Variants in YDJC observed in about 807,000 individuals in gnomAD.
The protein encoded by YDJC is carbohydrate deacetylase.
Under a neutral mutation model 18.9 loss-of-function variants are expected in YDJC, and 23 were observed. That is an observed-to-expected ratio of 1.22 (90% confidence interval 0.87 to 1.72). The LOEUF (loss-of-function observed/expected upper bound fraction) is 1.72, where lower values mean the gene tolerates loss of function less well. Ranked by LOEUF, YDJC falls within the 40% of genes most tolerant of loss-of-function variation. The pLI is 0.00. For missense variants in YDJC, 467 were observed against 470.8 expected, an observed-to-expected ratio of 0.99 and a Z score of 0.07; for synonymous variants, 224 against 217.6, an observed-to-expected ratio of 1.03 and a Z score of -0.26.
chr22:21,629,151 T>C lies in YDJC; in HGVS notation c.461A>G (p.Tyr154Cys). 6.5e-7 allele frequency: 1 copy of C among 1,540,994 alleles called. No homozygotes were observed. The highest frequency in any genetic ancestry group is 8.7e-7 in the Non-Finnish European group (1 of 1,146,352). ...CQVFAEALQA[Y>C]GVRFTRLPLE... ...CGGCAGTCGCGTAAAGCGCACCCCA[T>C]AGGCCTGCAGCGCCTCGGCGAACAC... Residue 154 changes from tyrosine to cysteine, a missense_variant, in exon 4 of 5, where the codon TAT becomes TGT. Transcript: ENST00000292778.
rs1391455520 is a variant in YDJC at position 21,628,791 on chromosome 22, T to TG, written c.603-5dup. 4.1e-6 allele frequency: 5 copies of TG among 1,228,970 alleles called. No individual in the cohort carries two copies. The South Asian group carries it at 4.3e-5, about 11-fold the overall frequency. The allele number at this position is 1,228,970 out of a possible 1,614,324, so 76.1% of individuals were successfully genotyped here. A position where few individuals can be genotyped will look rare whatever the true frequency, so the allele number is the denominator to read the frequency against. On this transcript the variant is annotated splice_polypyrimidine_tract_variant and splice_region_variant and intron_variant, in intron 4 of 4. Coordinates refer to ENST00000292778, the MANE Select transcript of YDJC (RefSeq NM_001017964.2). ...GCCCACGAAGGCGTCTGTCCACCTG[T>TG]GGGGGGCGGGACATCAGAGGTGGGA...
At chr22:21,629,235 C>A (rs1169847047) in intron 3 of YDJC, 48 bp from the exon 4 acceptor site, 1 of 1,549,200 alleles carries the variant, frequency 6.5e-7, no homozygotes, top group Non-Finnish European at 8.7e-7. Context: ...CACCTGGGGG[C>A]ATCGAACTTC....
chr22:21,629,483 T>C (rs771823172), intron 2 of YDJC, 76 bp from the exon 3 acceptor site: 67 of 1,550,036 alleles, frequency 4.3e-5, no homozygotes, highest in Non-Finnish European at 5.7e-5. Flanking sequence ...TTCCGTGTGA[T>C]GGCTCCAGTG....
In YDJC at chr22:21,628,627, C is replaced by G. The variant is rs1930336746; in HGVS notation, c.763G>C (p.Gly255Arg). 3.1e-6 allele frequency: 5 copies of G among 1,590,680 alleles called. No homozygotes were observed. Among genetic ancestry groups the G allele is most frequent in the Non-Finnish European group, 4.3e-6 (5 of 1,169,578 alleles). The change falls in exon 5 of 5, where the codon GGC (glycine) becomes CGC (arginine). Residue 255 changes from glycine to arginine, a missense_variant. Physicochemically the swap from Gly to Arg is moderately radical, Grantham distance 125 (BLOSUM62 -2). Coordinates refer to ENST00000292778, the MANE Select transcript of YDJC (RefSeq NM_001017964.2). ...GCGTCGGGGCCTTCACCGCAGCCGC[C>G]GGTGGGAGGCACACTGGGGTAGCCG... ...HPGYPSVPPT[G>R]GCGEGPDAFS...
Position 21,629,153 on chromosome 22 carries a change from G to T in YDJC, c.459C>A (p.Ala153=), listed in dbSNP as rs556913132. 55 of 1,541,012 alleles carry T rather than the reference G, an allele frequency of 3.6e-5. No individual in the cohort carries two copies. The East Asian group carries it at 1.3e-3, about 38-fold the overall frequency. The change falls in exon 4 of 5, where the codon GCC becomes GCA. Residue 153 remains alanine (A), a synonymous_variant. Transcript: ENST00000292778. The stretch of plus-strand genomic sequence containing the variant: ...GCAGTCGCGTAAAGCGCACCCCATA[G>T]GCCTGCAGCGCCTCGGCGAACACCT... ...VCQVFAEALQ[A]YGVRFTRLPL...
chr22:21,629,371 G>A lies in YDJC; in HGVS notation c.361C>T (p.Arg121Trp), dbSNP rs565479250. ...GTGGGGGCCCTGCCCAGCAGCTCCC[G>A]GAAGCAGCTTAGTTGGGCCTCGAGC... ...EELEAQLSCF[R>W]ELLGRAPTHA... Residue 121 changes from arginine (R) to tryptophan (W), a missense_variant, in exon 3 of 5, where the codon CGG (arginine) becomes TGG (tryptophan). Physicochemically the swap from Arg to Trp is moderately radical, Grantham distance 101. Transcript: ENST00000292778. 5.8e-6 allele frequency: 9 copies of A among 1,549,812 alleles called. No homozygotes were observed. The African/African-American group carries it at 9.6e-5, about 16-fold the overall frequency.
chr22:21,628,948 G>A lies in YDJC; in HGVS notation c.602+62C>T, dbSNP rs1018408078. 3.5e-6 allele frequency: 5 copies of A among 1,434,350 alleles called. No homozygotes were observed. The African/African-American group carries it at 5.8e-5, about 17-fold the overall frequency. The allele number at this position is 1,434,350 out of a possible 1,614,324, so 88.9% of individuals were successfully genotyped here. A position where few individuals can be genotyped will look rare whatever the true frequency, so the allele number is the denominator to read the frequency against. On this transcript the variant is annotated intron_variant, in intron 4 of 4. Coordinates refer to ENST00000292778, the MANE Select transcript of YDJC (RefSeq NM_001017964.2). ...TTGAGAAACGGACACAGCTAGCCAG[G>A]TGAACAGCCAGTGCGGAGGGACAGA...
chr22:21,629,320 G>A lies in YDJC; in HGVS notation c.412C>T (p.His138Tyr), dbSNP rs765890064. 6.1e-5 allele frequency: 94 copies of A among 1,550,374 alleles called. No homozygotes were observed. Among genetic ancestry groups the A allele is most frequent in the Non-Finnish European group, 8.1e-5 (93 of 1,146,904 alleles). The change falls in exon 3 of 5, where the codon CAC becomes TAC. Residue 138 changes from histidine to tyrosine, a missense_variant. Physicochemically the swap from His to Tyr is moderately conservative, Grantham distance 83. Coordinates refer to ENST00000292778, the MANE Select transcript of YDJC (RefSeq NM_001017964.2). ...ACTAACCACGCACCTGGGAGCACGT[G>A]CACGTGCTGGTGCCCGTCCGCGTGC... ...PTHADGHQHV[H>Y]VLPGVCQVFA...
Position 21,628,735 on chromosome 22 carries a change from G to A in YDJC, c.655C>T (p.His219Tyr). The A allele has an allele frequency of 6.6e-7, 1 of 1,520,540 alleles. No individual in the cohort carries two copies. The highest frequency in any genetic ancestry group is 8.8e-7 in the Non-Finnish European group (1 of 1,133,444). 94.2% of individuals were successfully genotyped at this position (1,520,540 alleles called of 1,614,324 possible). A position where few individuals can be genotyped will look rare whatever the true frequency, so the allele number is the denominator to read the frequency against. The change falls in exon 5 of 5, where the codon CAC (histidine) becomes TAC (tyrosine). Residue 219 changes from histidine (H) to tyrosine (Y), a missense_variant. His to Tyr is a moderately conservative substitution (Grantham distance 83). Transcript: ENST00000292778. ...CGCGCCAGGGCCCCGGACACGCGGTGAGCGGACATGTGCCGGCCGCAAGTG... is the reference window on the plus strand; with the variant it reads ...CGCGCCAGGGCCCCGGACACGCGGTAAGCGGACATGTGCCGGCCGCAAGTG... ...LSTCGRHMSA[H>Y]RVSGALARVL...
Position 21,628,293 on chromosome 22 carries a change from C to A in YDJC, c.*125G>T. The A allele has an allele frequency of 7.7e-7, 1 of 1,298,382 alleles. No individual in the cohort carries two copies. The highest frequency in any genetic ancestry group is 1.0e-6 in the Non-Finnish European group (1 of 979,290). 80.4% of individuals were successfully genotyped at this position (1,298,382 alleles called of 1,614,324 possible). ...CATGAGGACCTGAGCCCAGAGGTGG[C>A]AGTGTCCTACCCAGGGAAGTCAACA... On this transcript the variant is annotated 3_prime_UTR_variant, in exon 5 of 5. Coordinates refer to ENST00000292778, the MANE Select transcript of YDJC (RefSeq NM_001017964.2).
At position 21,628,122 on chromosome 22, in the gene YDJC, C is replaced by A. The variant is rs564302296; in HGVS notation, c.*296G>T. 6.8e-5 allele frequency: 21 copies of A among 306,684 alleles called. No homozygotes were observed. In the South Asian group the frequency reaches 2.2e-3, roughly 32 times the overall value. 19.0% of individuals were successfully genotyped at this position (306,684 alleles called of 1,614,324 possible). ...ACACACGTTATTTTATTAATATAGC[C>A]ATCTCTCCCCACTGCCCCAGTGGTG... On this transcript the variant is annotated 3_prime_UTR_variant, in exon 5 of 5. Transcript: ENST00000292778.
At chr22:21,629,507 G>T in intron 2 of YDJC, 95 bp downstream of exon 2, 1 of 1,579,242 alleles carries the variant, frequency 6.3e-7, no homozygotes, top group Non-Finnish European at 8.6e-7. Context: ...GAATGCGGAA[G>T]TCATCCACCG....
In YDJC at chr22:21,629,159, C is replaced by A. The variant is rs1190904822; in HGVS notation, c.453G>T (p.Leu151=). Residue 151 remains leucine, a synonymous_variant, in exon 4 of 5, where the codon CTG becomes CTT. Transcript: ENST00000292778. The stretch of plus-strand genomic sequence containing the variant: ...GCGTAAAGCGCACCCCATAGGCCTG[C>A]AGCGCCTCGGCGAACACCTGGCACA... ...PGVCQVFAEA[L]QAYGVRFTRL... 1 of 1,541,124 alleles carries A rather than the reference C, an allele frequency of 6.5e-7. No homozygotes were observed. Among genetic ancestry groups the A allele is most frequent in the Admixed American group, 2.0e-5 (1 of 50,834 alleles).
chr22:21,629,847 T>C lies in YDJC; in HGVS notation c.164+4A>G. On this transcript the variant is annotated splice_donor_region_variant and intron_variant, in intron 1 of 4. Transcript: ENST00000292778. ...CGCCGCCCTGCTAGAGGCCCTCCCC[T>C]CACCTGCGGGCCAGCTCCGCCGCGC... 1 of 1,546,476 alleles carries C rather than the reference T, an allele frequency of 6.5e-7. No homozygotes were observed. The highest frequency in any genetic ancestry group is 1.4e-5 in the African/African-American group (1 of 71,386).
chr22:21,629,559 T>TG (rs773623978), intron 2 of YDJC, 43 bp downstream of exon 2: 5 of 1,611,914 alleles, frequency 3.1e-6, no homozygotes, highest in Non-Finnish European at 3.4e-6. Context: ...GGCGGAGCTC[T>TG]GGGGGTCCTC....
Position 21,628,364 on chromosome 22 carries a change from C to T in YDJC, c.*54G>A. ...CTCTGGGCTGGGCCAGGACTAAATCCTGGCTCCCCTTTCTTGGTACTAAGG... is the reference window on the plus strand; with the variant it reads ...CTCTGGGCTGGGCCAGGACTAAATCTTGGCTCCCCTTTCTTGGTACTAAGG... On this transcript the variant is annotated 3_prime_UTR_variant, in exon 5 of 5. Transcript: ENST00000292778. 1 of 1,479,212 alleles carries T rather than the reference C, an allele frequency of 6.8e-7. No individual in the cohort carries two copies. The highest frequency in any genetic ancestry group is 9.0e-7 in the Non-Finnish European group (1 of 1,109,956). 91.6% of individuals were successfully genotyped at this position (1,479,212 alleles called of 1,614,324 possible).
chr22:21,628,473 T>C lies in YDJC; in HGVS notation c.917A>G (p.Glu306Gly). The change falls in exon 5 of 5, where the codon GAG (glutamate) becomes GGG (glycine). Residue 306 changes from glutamate (E) to glycine (G), a missense_variant. By Grantham distance (98) the Glu-to-Gly change is moderately conservative (BLOSUM62 -2). Transcript: ENST00000292778. ...LDDLDSKRPG[E>G]EVPCEPTLEP... is the part of the protein sequence containing the mutation. Reference sequence around the variant, plus strand: ...CAGAGTGGGCTCACAGGGGACCTCCTCCCCTGGCCTCTTGGAGTCCAGGTC... The same window carrying C: ...CAGAGTGGGCTCACAGGGGACCTCCCCCCCTGGCCTCTTGGAGTCCAGGTC... 6.3e-7 allele frequency: 1 copy of C among 1,599,316 alleles called. No homozygotes were observed. The highest frequency in any genetic ancestry group is 8.5e-7 in the Non-Finnish European group (1 of 1,170,996).
chr22:21,628,971 A>G (rs2298429), intron 4 of YDJC, 39 bp downstream of exon 4: 332,340 of 1,443,228 alleles, frequency 0.23, 45,013 homozygotes, highest in East Asian at 0.49. Flanking sequence ...GCGGAGGGAC[A>G]GAGGCAGCTA....
Position 21,629,164 on chromosome 22 carries a change from C to T in YDJC, c.448G>A (p.Ala150Thr). Reference protein sequence around the residue: ...LPGVCQVFAEALQAYGVRFTR... With the variant: ...LPGVCQVFAETLQAYGVRFTR... ...AAGCGCACCCCATAGGCCTGCAGCG[C>T]CTCGGCGAACACCTGGCACACGCCT... The change falls in exon 4 of 5, where the codon GCG (alanine) becomes ACG (threonine). Residue 150 changes from alanine to threonine, a missense_variant. Transcript: ENST00000292778. 6.5e-7 allele frequency: 1 copy of T among 1,541,640 alleles called. No individual in the cohort carries two copies. The highest frequency in any genetic ancestry group is 8.7e-7 in the Non-Finnish European group (1 of 1,146,016).
Sources: allele counts gnomAD v4.1 joint callset, GRCh38; gene constraint gnomAD v4.1.1; transcripts MANE v1.5; gene names NCBI Gene and HGNC (gene_info 2026-07-23, HGNC 2026-07-21).